The following GCNT2 variants were observed in gnomAD, a reference collection of about 807,000 sequenced individuals.
GCNT2 encodes glucosaminyl (N-acetyl) transferase 2 (I blood group), also known as N-acetyllactosaminide beta-1,6-N-acetylglucosaminyl-transferase.
A neutral mutation model predicts 34.2 loss-of-function variants in GCNT2; 34 were observed. The observed-to-expected ratio is 1.00, with a 90% CI of 0.76 to 1.32. The LOEUF (loss-of-function observed/expected upper bound fraction) is 1.32. GCNT2 is among the 40% of genes most tolerant of loss of function. GCNT2 has a pLI of 0.00. For synonymous variants in GCNT2, 212 were observed against 188.0 expected (o/e 1.13, Z -1.04); for missense variants, 584 against 489.4 (o/e 1.19, Z -1.82).
intron 3 of GCNT2, among the ~76,000 whole-genome samples, chr6:10,603,260 A>G (rs2127429288): frequency 6.6e-6 from 1 of 152,340 alleles, no homozygotes; most frequent in African/African-American, 2.4e-5. Flanking sequence ...GTTGTTTTCA[A>G]TCTATGTTCA....
rs773100300 is a variant in GCNT2 at position 10,528,889 on chromosome 6, T to C, written c.-23T>C. 38 of 1,558,410 alleles carry C rather than the reference T, an allele frequency of 2.4e-5. 1 individual carries two copies. Among genetic ancestry groups the C allele is most frequent in the Middle Eastern group, 1.8e-4 (1 of 5,544 alleles). The stretch of plus-strand genomic sequence containing the variant: ...CTGATCCTATCTCAAGAGAGAGATA[T>C]TTTACTCATTTCCTGGTTGTGAATG... On this transcript the variant is annotated 5_prime_UTR_variant, in exon 3 of 5. Transcript: ENST00000495262.
intron 3 of GCNT2, among the ~76,000 whole-genome samples, chr6:10,552,087 G>T (rs528510121): frequency 6.6e-6 from 1 of 152,168 alleles, no homozygotes; most frequent in South Asian, 2.1e-4. Flanking sequence ...TAATGCTTTG[G>T]GTTCTGTGAT....
chr6:10,585,738 A>T, intron 3 of GCNT2: 1 of 1,385,744 alleles, frequency 7.2e-7, no homozygotes, highest in Admixed American at 3.0e-5. Context: ...TGCAAACAGC[A>T]GGGATTCAAC....
rs1338486866 is a variant in GCNT2 at position 10,628,515 on chromosome 6, AC to A, written c.*1909del. 6.6e-6 allele frequency: 1 copy of A among 152,254 alleles called. No individual in the cohort carries two copies. The allele number at this position is 152,254 out of a possible 1,614,324, so 9.4% of individuals were successfully genotyped here. On this transcript the variant is annotated 3_prime_UTR_variant, in exon 5 of 5. Transcript: ENST00000495262. ...TGAAGGCCACATGTGAAAACCTGTC[AC>A]TTGCACAGAGGCCAGTCCCACTAAG...
At chr6:10,605,887 G>A (rs1300695597) in intron 3 of GCNT2, among the ~76,000 whole-genome samples, 1 of 152,138 alleles carries the variant, frequency 6.6e-6, no homozygotes, top group Non-Finnish European at 1.5e-5. Flanking sequence ...CTCCACTAGG[G>A]CTAGATGGTC....
At chr6:10,594,937 C>T (rs1267516710) in intron 3 of GCNT2, among the ~76,000 whole-genome samples, 1 of 151,546 alleles carries the variant, frequency 6.6e-6, no homozygotes, top group African/African-American at 2.4e-5. Context: ...CCTCGACTTC[C>T]CAGGCTCAAG....
Position 10,557,206 on chromosome 6 carries a change from C to T in GCNT2, c.925+27370C>T. 3 of 1,569,710 alleles carry T rather than the reference C, an allele frequency of 1.9e-6. No homozygotes were observed. In the Middle Eastern group the frequency reaches 5.1e-4, roughly 269 times the overall value. ...CCCATAATCTCACAATTTACTTTGGCTCTGCCTATGTGGCTCTATCAAGAG... is the reference window on the plus strand; with the variant it reads ...CCCATAATCTCACAATTTACTTTGGTTCTGCCTATGTGGCTCTATCAAGAG... On this transcript the variant is annotated intron_variant, in intron 3 of 4. Transcript: ENST00000495262.
chr6:10,604,744 C>T (rs1345565420), intron 3 of GCNT2, among the ~76,000 whole-genome samples: 1 of 151,888 alleles, frequency 6.6e-6, no homozygotes, highest in East Asian at 1.9e-4. Context: ...CCAGCTAGTC[C>T]CAGCTACTTG....
At chr6:10,547,507 G>A (rs572344073) in intron 3 of GCNT2, among the ~76,000 whole-genome samples, 1 of 152,274 alleles carries the variant, frequency 6.6e-6, no homozygotes, top group Non-Finnish European at 1.5e-5. Context: ...TTAAATTTAG[G>A]TTATACCTTT....
chr6:10,565,124 G>A (rs1193574051), intron 3 of GCNT2, among the ~76,000 whole-genome samples: 1 of 152,230 alleles, frequency 6.6e-6, no homozygotes, highest in Non-Finnish European at 1.5e-5. Context: ...TCGTGGGTGA[G>A]CCTGGTGTCT....
chr6:10,535,170 C>T (rs1037725144), intron 3 of GCNT2, among the ~76,000 whole-genome samples: 8 of 152,020 alleles, frequency 5.3e-5, no homozygotes, highest in Non-Finnish European at 1.2e-4. Context: ...GGTGACAGAG[C>T]GAGACTCCAT....
intron 3 of GCNT2, among the ~76,000 whole-genome samples, chr6:10,585,337 G>A (rs1764298566): frequency 6.6e-6 from 1 of 152,016 alleles, no homozygotes; most frequent in African/African-American, 2.4e-5. Context: ...GTGCCACCAT[G>A]CCTGGCACAC....
intron 3 of GCNT2, among the ~76,000 whole-genome samples, chr6:10,548,699 G>A (rs1762363468): frequency 6.6e-6 from 1 of 151,758 alleles, no homozygotes; most frequent in Admixed American, 6.6e-5. Flanking sequence ...TCACCGTTTT[G>A]TTGCAGGCAG....
intron 3 of GCNT2, among the ~76,000 whole-genome samples, chr6:10,546,190 G>T (rs983445815): frequency 2.0e-5 from 3 of 152,296 alleles, no homozygotes; most frequent in Middle Eastern, 3.4e-3. Flanking sequence ...ACCCAGGACA[G>T]TTGAAGCCGT....
chr6:10,556,368 G>A lies in GCNT2; in HGVS notation c.925+26532G>A, dbSNP rs1336899623. The A allele has an allele frequency of 3.1e-6, 5 of 1,609,756 alleles. No homozygotes were observed. In the African/African-American group the frequency reaches 5.3e-5, roughly 17 times the overall value. ...AGAACTCAGAGAAACGAGTGAGTTT[G>A]GAAAAAAGACTTACAGATTTTGACG... On this transcript the variant is annotated intron_variant, in intron 3 of 4. Coordinates refer to ENST00000495262, the MANE Select transcript of GCNT2 (RefSeq NM_145649.5).
At chr6:10,524,224 G>A (rs1761077152) in intron 1 of GCNT2, among the ~76,000 whole-genome samples, 1 of 151,688 alleles carries the variant, frequency 6.6e-6, no homozygotes, top group Non-Finnish European at 1.5e-5. Flanking sequence ...CTTGGTCCAC[G>A]GAAACTTTCT....
chr6:10,562,956 C>T (rs1306329502), intron 3 of GCNT2, among the ~76,000 whole-genome samples: 6 of 152,082 alleles, frequency 3.9e-5, no homozygotes, highest in East Asian at 1.9e-4. Flanking sequence ...GTCGGGAGTT[C>T]GAGATCAGCC....
chr6:10,580,435 C>A (rs596145), intron 3 of GCNT2, among the ~76,000 whole-genome samples: 1 of 151,998 alleles, frequency 6.6e-6, no homozygotes, highest in East Asian at 1.9e-4. Context: ...TGCCTGAATC[C>A]GTCCTACAAT....
At chr6:10,538,379 G>A (rs1457582924) in intron 3 of GCNT2, among the ~76,000 whole-genome samples, 5 of 126,900 alleles carry the variant, frequency 3.9e-5, no homozygotes, top group Non-Finnish European at 7.8e-5. Flanking sequence ...TTGCACTCTG[G>A]CCTGGGCGAC....
Sources: allele counts gnomAD v4.1 joint callset (sites outside exome capture counted in the v4.1 genomes callset), GRCh38; gene constraint gnomAD v4.1.1; transcripts MANE v1.5; gene names NCBI Gene and HGNC (gene_info 2026-07-23, HGNC 2026-07-21).